USP6NL: variants seen among roughly 807,000 people sequenced by gnomAD.
USP6NL encodes the protein USP6 N-terminal-like protein.
Under a neutral mutation model 61.9 loss-of-function variants are expected in USP6NL, and 26 were observed. The ratio of observed to expected loss-of-function variants is 0.42; its 90% CI spans 0.31 to 0.58. USP6NL has a LOEUF of 0.58. USP6NL is among the 20% of genes least tolerant of loss of function. The probability of loss-of-function intolerance (pLI) is 0.16; values close to 1 mark genes in which losing one functional copy is unlikely to be tolerated. For missense variants in USP6NL, 1,114 were observed against 1,034.3 expected (o/e 1.08, Z -1.06); for synonymous variants, 432 against 390.1 (o/e 1.11, Z -1.27).
intron 2 of USP6NL, among the ~76,000 whole-genome samples, chr10:11,552,799 T>C (rs1015898051): frequency 1.3e-5 from 2 of 152,204 alleles, no homozygotes; most frequent in Non-Finnish European, 2.9e-5. Flanking sequence ...AGGCCTTAAA[T>C]ACAAAAGCTT....
chr10:11,508,775 C>G (rs1326607790), intron 6 of USP6NL, among the ~76,000 whole-genome samples: 1 of 152,192 alleles, frequency 6.6e-6, no homozygotes, highest in African/African-American at 2.4e-5. Flanking sequence ...GGATGAAATT[C>G]TTTGAATCAT....
At chr10:11,571,109 G>A (rs1555172718) in intron 2 of USP6NL, among the ~76,000 whole-genome samples, 1 of 145,474 alleles carries the variant, frequency 6.9e-6, no homozygotes, top group African/African-American at 2.6e-5. Flanking sequence ...TTGAGACAAA[G>A]TTTTACTCTT....
intron 2 of USP6NL, among the ~76,000 whole-genome samples, chr10:11,577,626 G>A (rs966216178): frequency 3.3e-5 from 5 of 151,544 alleles, no homozygotes; most frequent in Non-Finnish European, 5.9e-5. Flanking sequence ...TCAGCCTCCC[G>A]AGTAGCTGGG....
chr10:11,498,672 A>T (rs1300196538), intron 7 of USP6NL, among the ~76,000 whole-genome samples: 3 of 152,190 alleles, frequency 2.0e-5, no homozygotes, highest in African/African-American at 7.2e-5. Context: ...ACTTTATTTT[A>T]AAATACGGCA....
chr10:11,551,424 C>T (rs923584445), intron 2 of USP6NL, among the ~76,000 whole-genome samples: 1 of 152,146 alleles, frequency 6.6e-6, no homozygotes, highest in Non-Finnish European at 1.5e-5. Flanking sequence ...TCCACTGAAC[C>T]GACAGATCAG....
chr10:11,497,092 TC>T (rs559133821), intron 7 of USP6NL, among the ~76,000 whole-genome samples: 9 of 92,264 alleles, frequency 9.8e-5, no homozygotes, highest in African/African-American at 3.6e-4. Flanking sequence ...TTCTCTTCCA[TC>T]TTTTTTTTTT....
chr10:11,517,332 C>T (rs890114723), intron 5 of USP6NL, among the ~76,000 whole-genome samples: 4 of 152,186 alleles, frequency 2.6e-5, no homozygotes, highest in Non-Finnish European at 5.9e-5. Context: ...TCATTATTTC[C>T]TTCTCAGTCA....
At chr10:11,492,120 G>A (rs1833730495) in intron 8 of USP6NL, among the ~76,000 whole-genome samples, 1 of 152,184 alleles carries the variant, frequency 6.6e-6, no homozygotes, top group Admixed American at 6.5e-5. Flanking sequence ...CAAAGACTTG[G>A]CATCCTCACG....
chr10:11,552,185 C>CA (rs1490158636), intron 2 of USP6NL, among the ~76,000 whole-genome samples: 2 of 152,018 alleles, frequency 1.3e-5, no homozygotes, highest in Admixed American at 1.3e-4. Flanking sequence ...TAAGAAAAAA[C>CA]AAAGGTTATA....
At chr10:11,606,452 C>G (rs1340835175) in intron 1 of USP6NL, among the ~76,000 whole-genome samples, 1 of 152,092 alleles carries the variant, frequency 6.6e-6, no homozygotes, top group African/African-American at 2.4e-5. Context: ...TAAATAATAA[C>G]AGCATAAAAC....
chr10:11,496,828 G>A lies in USP6NL; in HGVS notation c.385-3600C>T, dbSNP rs1386775983. 6.6e-6 allele frequency among the ~76,000 whole-genome samples: 1 copy of A among 152,106 alleles called. No individual in the cohort carries two copies. The highest frequency in any genetic ancestry group is 2.4e-5 in the African/African-American group (1 of 41,414). ...GGCTATTTGGGCATGTCTAGAATAA[G>A]TATGTGTATGTTAAGTGTTTTATGA... On this transcript the variant is annotated intron_variant, in intron 7 of 14. Coordinates refer to ENST00000609104, the MANE Select transcript of USP6NL (RefSeq NM_014688.5). This position sits in a 1 kb window ranked among gnomAD's most constrained non-coding sequence, Gnocchi z 5.4.
intron 4 of USP6NL, among the ~76,000 whole-genome samples, chr10:11,523,248 C>T (rs1267970560): frequency 6.6e-6 from 1 of 152,172 alleles, no homozygotes; most frequent in Non-Finnish European, 1.5e-5. Context: ...ATAGTTCAAA[C>T]ATGGTTTTAT....
intron 2 of USP6NL, among the ~76,000 whole-genome samples, chr10:11,570,496 A>T (rs900498205): frequency 1.3e-5 from 2 of 152,242 alleles, no homozygotes; most frequent in African/African-American, 2.4e-5. Flanking sequence ...CTCTTACTTT[A>T]GTACTAATTT....
In USP6NL at chr10:11,493,133, G is replaced by T. The variant is rs1449331053; in HGVS notation, c.480C>A (p.Asp160Glu). 6 of 1,608,452 alleles carry T rather than the reference G, an allele frequency of 3.7e-6. No homozygotes were observed. The highest frequency in any genetic ancestry group is 1.3e-5 in the African/African-American group (1 of 74,836). The part of the protein sequence containing the change: ...RTFRDHIMFR[D>E]RYGVKQQSLF... ...ACTTTACTCACTTAACACCATATCTGTCTCTAAACATAATGTGGTCCCGAA... is the reference window on the plus strand; with the variant it reads ...ACTTTACTCACTTAACACCATATCTTTCTCTAAACATAATGTGGTCCCGAA... The change falls in exon 8 of 15, where the codon GAC (aspartate) becomes GAA (glutamate). Residue 160 changes from aspartate (D) to glutamate (E), a missense_variant. By Grantham distance (45) the Asp-to-Glu change is conservative. Transcript: ENST00000609104.
intron 14 of USP6NL, among the ~76,000 whole-genome samples, chr10:11,466,364 G>A (rs1832453019): frequency 6.6e-6 from 1 of 152,192 alleles, no homozygotes; most frequent in African/African-American, 2.4e-5. Flanking sequence ...TCCCTTTAGA[G>A]ACAATGTTTC....
intron 7 of USP6NL, among the ~76,000 whole-genome samples, chr10:11,493,581 T>G (rs1436338386): frequency 2.0e-5 from 3 of 152,242 alleles, no homozygotes; most frequent in Non-Finnish European, 4.4e-5. Flanking sequence ...TTCTTGTTTC[T>G]TTCCAGGATG....
chr10:11,562,371 A>AG lies in USP6NL; in HGVS notation c.5-34805dup. 1.0e-6 allele frequency: 1 copy of AG among 985,244 alleles called. No individual in the cohort carries two copies. Among genetic ancestry groups the AG allele is most frequent in the Non-Finnish European group, 1.2e-6 (1 of 829,824 alleles). The allele number at this position is 985,244 out of a possible 1,614,324, so 61.0% of individuals were successfully genotyped here. A position where few individuals can be genotyped will look rare whatever the true frequency, so the allele number is the denominator to read the frequency against. ...GGAAAAGCTTTTGCATTCCTTACAC[A>AG]GGTGACACCAACTTCAGATTTCCCC... On this transcript the variant is annotated intron_variant, in intron 2 of 14. Coordinates refer to ENST00000609104, the MANE Select transcript of USP6NL (RefSeq NM_014688.5). This position sits in a 1 kb window ranked among gnomAD's most constrained non-coding sequence, Gnocchi z 4.8.
In USP6NL at chr10:11,463,899, G is replaced by C. The variant is rs1294255466; in HGVS notation, c.1079-50C>G. 2 of 1,435,130 alleles carry C rather than the reference G, an allele frequency of 1.4e-6. No individual in the cohort carries two copies. The highest frequency in any genetic ancestry group is 3.0e-5 in the South Asian group (2 of 66,246). 88.9% of individuals were successfully genotyped at this position (1,435,130 alleles called of 1,614,324 possible). A position where few individuals can be genotyped will look rare whatever the true frequency, so the allele number is the denominator to read the frequency against. ...TAAGATAATACACGAGTAAACAGTA[G>C]CCAGTTGAAGCAATCCATTAGTAAC... On this transcript the variant is annotated intron_variant, in intron 14 of 14. Coordinates refer to ENST00000609104, the MANE Select transcript of USP6NL (RefSeq NM_014688.5). This position sits in a 1 kb window ranked among gnomAD's most constrained non-coding sequence, Gnocchi z 6.3.
rs1443197024 is a variant in USP6NL, at chr10:11,485,204, T to C, written c.790A>G (p.Thr264Ala). 6.5e-7 allele frequency: 1 copy of C among 1,533,712 alleles called. No homozygotes were observed. The highest frequency in any genetic ancestry group is 8.7e-7 in the Non-Finnish European group (1 of 1,143,244). The part of the protein sequence containing the change: ...DSQEIYTSFY[T>A]MKWFFQCFLD... ...AAACACTGAAAAAACCATTTCATTG[T>C]GTAAAAACTTGTGTAGATTTCTTGA... Residue 264 changes from threonine (T) to alanine (A), a missense_variant, in exon 12 of 15, where the codon ACA becomes GCA. Transcript: ENST00000609104. The surrounding 1 kb of genome is among the most constrained non-coding windows in gnomAD (Gnocchi z 4.8).
Sources: allele counts gnomAD v4.1 joint callset (sites outside exome capture counted in the v4.1 genomes callset), GRCh38; gene constraint gnomAD v4.1.1; non-coding constraint Gnocchi (gnomAD v3.1); transcripts MANE v1.5; gene names NCBI Gene and HGNC (gene_info 2026-07-23, HGNC 2026-07-21).